The following CDIN1 variants were observed in gnomAD, a reference collection of about 807,000 sequenced individuals.
The protein encoded by CDIN1 is CDAN1-interacting nuclease 1.
CDIN1 carries 33 observed loss-of-function variants against 45.3 expected under a neutral mutation model. That is an observed-to-expected ratio of 0.73 (90% confidence interval 0.55 to 0.97). The LOEUF (loss-of-function observed/expected upper bound fraction) is 0.97. CDIN1 is among the 50% of genes least tolerant of loss of function. The pLI is 0.00. For missense variants in CDIN1, 303 were observed against 339.4 expected (o/e 0.89, Z 0.84); for synonymous variants, 118 against 124.4 (o/e 0.95, Z 0.34).
intron 10 of CDIN1, among the ~76,000 whole-genome samples, chr15:36,800,899 G>GTATATATATA (rs1467289662): frequency 2.3e-4 from 6 of 25,808 alleles, no homozygotes; most frequent in African/African-American, 7.0e-4. Context: ...GTGTGTGTGT[G>GTATATATATA]TGTGTGTGTG....
At chr15:36,668,442 C>G (rs1595446533) in intron 5 of CDIN1, among the ~76,000 whole-genome samples, 1 of 152,176 alleles carries the variant, frequency 6.6e-6, no homozygotes, top group Non-Finnish European at 1.5e-5. Flanking sequence ...GGTTAAGTGA[C>G]CAGCTTAGTC....
intron 1 of CDIN1, chr15:36,641,734 T>C (rs1014328857): frequency 6.6e-6 from 1 of 152,188 alleles, no homozygotes; most frequent in African/African-American, 2.4e-5. Context: ...CTTTTTTATG[T>C]GTGTACTTTT....
At chr15:36,584,958 A>G (rs113396593) in intron 1 of CDIN1, among the ~76,000 whole-genome samples, 1 of 152,364 alleles carries the variant, frequency 6.6e-6, no homozygotes, top group African/African-American at 2.4e-5. Flanking sequence ...CACCTGAAAC[A>G]TAGGACATAC....
intron 5 of CDIN1, among the ~76,000 whole-genome samples, chr15:36,687,582 A>T (rs768479645): frequency 3.3e-5 from 5 of 152,220 alleles, no homozygotes; most frequent in Admixed American, 2.6e-4. Context: ...AATTCAGTGT[A>T]TAACAACTGA....
intron 3 of CDIN1, among the ~76,000 whole-genome samples, chr15:36,649,961 A>C (rs1164925976): frequency 6.6e-6 from 1 of 152,242 alleles, no homozygotes; most frequent in Non-Finnish European, 1.5e-5. Flanking sequence ...GATGGTGCTA[A>C]TTGAACAAAA....
At chr15:36,615,859 G>A (rs1166200667) in intron 1 of CDIN1, among the ~76,000 whole-genome samples, 1 of 152,136 alleles carries the variant, frequency 6.6e-6, no homozygotes, top group Non-Finnish European at 1.5e-5. Flanking sequence ...TTATATAATT[G>A]TCAGAATTCT....
chr15:36,723,770 A>G (rs1032148866), intron 10 of CDIN1, among the ~76,000 whole-genome samples: 3 of 152,212 alleles, frequency 2.0e-5, no homozygotes, highest in Non-Finnish European at 2.9e-5. Context: ...AAACTGGCCC[A>G]TCAGTAGTGG....
chr15:36,710,487 GT>G (rs1159456867), intron 10 of CDIN1, among the ~76,000 whole-genome samples: 1 of 152,080 alleles, frequency 6.6e-6, no homozygotes, highest in African/African-American at 2.4e-5. Context: ...TTATTTTACT[GT>G]TTATCTACCA....
chr15:36,654,761 A>T (rs1958064874), intron 4 of CDIN1, among the ~76,000 whole-genome samples: 1 of 152,178 alleles, frequency 6.6e-6, no homozygotes, highest in South Asian at 2.1e-4. Flanking sequence ...ACAGCCTTAC[A>T]TTTAAAAAGG....
chr15:36,599,054 G>A (rs557112343), intron 1 of CDIN1, among the ~76,000 whole-genome samples: 5 of 149,930 alleles, frequency 3.3e-5, no homozygotes, highest in South Asian at 2.1e-4. Flanking sequence ...ATGTGGGCCT[G>A]TGCTTATTTT....
chr15:36,691,406 A>T, intron 5 of CDIN1: 1 of 331,876 alleles, frequency 3.0e-6, no homozygotes, highest in South Asian at 4.2e-5. Flanking sequence ...GCTTTTCGGA[A>T]GCTTATTTAT....
chr15:36,659,964 TTC>T (rs2040933834), intron 5 of CDIN1, among the ~76,000 whole-genome samples: 1 of 77,084 alleles, frequency 1.3e-5, no homozygotes, highest in Non-Finnish European at 2.4e-5. Context: ...TTCCTTCCTT[TTC>T]TTTTTTTTTT....
chr15:36,647,984 T>C (rs1157768492), intron 3 of CDIN1, among the ~76,000 whole-genome samples: 1 of 151,900 alleles, frequency 6.6e-6, no homozygotes, highest in East Asian at 2.0e-4. Flanking sequence ...GGACTACAGG[T>C]GCCCGCCACC....
intron 10 of CDIN1, among the ~76,000 whole-genome samples, chr15:36,783,896 G>A (rs954230687): frequency 6.6e-6 from 1 of 152,082 alleles, no homozygotes; most frequent in Non-Finnish European, 1.5e-5. Flanking sequence ...ATTAAGATCA[G>A]CAAGTAACTC....
At chr15:36,740,138 T>C (rs1182279525) in intron 10 of CDIN1, among the ~76,000 whole-genome samples, 1 of 152,230 alleles carries the variant, frequency 6.6e-6, no homozygotes, top group Non-Finnish European at 1.5e-5. Context: ...AGAAATTCTG[T>C]GTCAAGGAAA....
chr15:36,615,955 C>T (rs1470243216), intron 1 of CDIN1, among the ~76,000 whole-genome samples: 2 of 152,204 alleles, frequency 1.3e-5, no homozygotes, highest in African/African-American at 2.4e-5. Context: ...TTCTGAAGAA[C>T]ATTTGCCTTC....
intron 1 of CDIN1, chr15:36,617,235 A>G (rs993218921): frequency 3.6e-5 from 32 of 882,690 alleles, no homozygotes; most frequent in Non-Finnish European, 5.9e-5. Context: ...CAGCAGCCAC[A>G]TCGGGTGCTC....
chr15:36,770,456 T>G (rs1161127065), intron 10 of CDIN1, among the ~76,000 whole-genome samples: 1 of 151,820 alleles, frequency 6.6e-6, no homozygotes, highest in African/African-American at 2.4e-5. Context: ...TTATTATTAT[T>G]ATTATTATTG....
intron 3 of CDIN1, among the ~76,000 whole-genome samples, chr15:36,646,416 C>G (rs2040330749): frequency 6.6e-6 from 1 of 151,982 alleles, no homozygotes. Flanking sequence ...GCACTCATTA[C>G]ACACACACAG....
Sources: allele counts gnomAD v4.1 joint callset (sites outside exome capture counted in the v4.1 genomes callset), GRCh38; gene constraint gnomAD v4.1.1; transcripts MANE v1.5; gene names NCBI Gene and HGNC (gene_info 2026-07-23, HGNC 2026-07-21).